Variants in C20orf144 observed in about 807,000 individuals in gnomAD.
The protein encoded by C20orf144 is chromosome 20 open reading frame 144.
In C20orf144, 8 loss-of-function variants were observed where a neutral mutation model predicts 3.8. The ratio of observed to expected loss-of-function variants is 2.11; its 90% CI spans 1.24 to 3.80. The LOEUF (loss-of-function observed/expected upper bound fraction) is 3.80, where lower values mean the gene tolerates loss of function less well. C20orf144 is among the 30% of genes most tolerant of loss of function. The pLI is 0.00. For missense variants in C20orf144, 289 were observed against 224.5 expected, an observed-to-expected ratio of 1.29 and a Z score of -1.83; for synonymous variants, 126 against 104.1, an observed-to-expected ratio of 1.21 and a Z score of -1.28.
Position 33,663,772 on chromosome 20 carries a change from T to G in C20orf144, c.367T>G (p.Ser123Ala), listed in dbSNP as rs2017568186. ...AGCTCTGAGCTGGCCGCGGCTGCTC[T>G]CGCGCTTCCGGTCCCCGGGGAAGGC... The part of the protein sequence containing the change: ...RAALSWPRLL[S>A]RFRSPGKAPR... Residue 123 changes from serine (S) to alanine (A), a missense_variant, in exon 2 of 2, where the codon TCG (serine) becomes GCG (alanine). Coordinates refer to ENST00000375222, the MANE Select transcript of C20orf144 (RefSeq NM_080825.4). 7.0e-7 allele frequency: 1 copy of G among 1,433,386 alleles called. No homozygotes were observed. Among genetic ancestry groups the G allele is most frequent in the African/African-American group, 1.5e-5 (1 of 66,590 alleles). The allele number at this position is 1,433,386 out of a possible 1,614,324, so 88.8% of individuals were successfully genotyped here.
Position 33,662,387 on chromosome 20 carries a change from G to A in C20orf144, c.42G>A (p.Lys14=). 6.4e-7 allele frequency: 1 copy of A among 1,551,534 alleles called. No homozygotes were observed. The highest frequency in any genetic ancestry group is 8.7e-7 in the Non-Finnish European group (1 of 1,147,050). The part of the protein sequence containing the change: ...YSSHKRTKAP[K]QARKERPADM... The stretch of plus-strand genomic sequence containing the variant: ...CCCACAAAAGGACCAAAGCACCCAA[G>A]CAGGCCCGCAAGGAGAGGCCGGCTG... Residue 14 remains lysine, a synonymous_variant, in exon 1 of 2, where the codon AAG becomes AAA. Transcript: ENST00000375222.
Position 33,662,416 on chromosome 20 carries a change from T to C in C20orf144, c.71T>C (p.Met24Thr), listed in dbSNP as rs2122475815. 4 of 1,551,602 alleles carry C rather than the reference T, an allele frequency of 2.6e-6. No individual in the cohort carries two copies. Among genetic ancestry groups the C allele is most frequent in the African/African-American group, 1.4e-5 (1 of 73,130 alleles). Reference sequence around the variant, plus strand: ...GCCCGCAAGGAGAGGCCGGCTGACATGGACAAGGCCTGGTGGAAATCGTTC... The same window carrying C: ...GCCCGCAAGGAGAGGCCGGCTGACACGGACAAGGCCTGGTGGAAATCGTTC... ...KQARKERPAD[M>T]DKAWWKSFLN... The change falls in exon 1 of 2, where the codon ATG becomes ACG. Residue 24 changes from methionine to threonine, a missense_variant. Met to Thr is a moderately conservative substitution (Grantham distance 81). Transcript: ENST00000375222.
rs762812321 is a variant in C20orf144, at chr20:33,663,586, GGGCAA to G, written c.182_186del (p.Gly61AlafsTer3). The G allele has an allele frequency of 6.2e-7, 1 of 1,611,412 alleles. No individual in the cohort carries two copies. Among genetic ancestry groups the G allele is most frequent in the Non-Finnish European group, 8.5e-7 (1 of 1,179,672 alleles). On this transcript the variant is annotated frameshift_variant, in exon 2 of 2. Coordinates refer to ENST00000375222, the MANE Select transcript of C20orf144 (RefSeq NM_080825.4). LOFTEE classifies it low-confidence loss of function (END_TRUNC). ...CAAGCGGCAGCCGCTGGCCAACGCT[GGGCAA>G]CGGATTGACTACGCGTCCGGCGCTG...
chr20:33,663,314 G>A, intron 1 of C20orf144: 1 of 569,632 alleles, frequency 1.8e-6, no homozygotes, highest in East Asian at 3.2e-5. Flanking sequence ...TTCCAGAAAG[G>A]AGGCGGAGTC....
At position 33,662,379 on chromosome 20, in the gene C20orf144, G is replaced by A. The variant is rs141969034; in HGVS notation, c.34G>A (p.Ala12Thr). The A allele has an allele frequency of 6.4e-7, 1 of 1,551,492 alleles. No individual in the cohort carries two copies. The highest frequency in any genetic ancestry group is 2.0e-5 in the Admixed American group (1 of 51,006). Residue 12 changes from alanine to threonine, a missense_variant, in exon 1 of 2, where the codon GCA becomes ACA. Transcript: ENST00000375222. Reference protein sequence around the residue: ...GNYSSHKRTKAPKQARKERPA... With the variant: ...GNYSSHKRTKTPKQARKERPA... Reference sequence around the variant, plus strand: ...CTATAGTTCCCACAAAAGGACCAAAGCACCCAAGCAGGCCCGCAAGGAGAG... The same window carrying A: ...CTATAGTTCCCACAAAAGGACCAAAACACCCAAGCAGGCCCGCAAGGAGAG...
chr20:33,662,482 G>C lies in C20orf144; in HGVS notation c.126+11G>C. ...CGGAAGAAGCCGGCTGTGAGGGCGGGGGATGGGGAGCAGGGCTGGGGAGGC... is the reference window on the plus strand; with the variant it reads ...CGGAAGAAGCCGGCTGTGAGGGCGGCGGATGGGGAGCAGGGCTGGGGAGGC... On this transcript the variant is annotated intron_variant, in intron 1 of 1. Transcript: ENST00000375222. 1 of 1,551,278 alleles carries C rather than the reference G, an allele frequency of 6.4e-7. No homozygotes were observed. The highest frequency in any genetic ancestry group is 8.7e-7 in the Non-Finnish European group (1 of 1,147,270).
At chr20:33,662,562 A>G in intron 1 of C20orf144, 91 bp downstream of exon 1, 2 of 1,423,262 alleles carry the variant, frequency 1.4e-6, no homozygotes, top group Non-Finnish European at 1.9e-6. Flanking sequence ...CTGGGAGTCT[A>G]GGCCTTGTAT....
chr20:33,663,883 C>T lies in C20orf144; in HGVS notation c.*16C>T, dbSNP rs534852781. The T allele has an allele frequency of 8.1e-4, 1,122 of 1,382,374 alleles. 1 individual carries two copies. Among genetic ancestry groups the T allele is most frequent in the Non-Finnish European group, 9.8e-4 (1,053 of 1,076,504 alleles). 85.6% of individuals were successfully genotyped at this position (1,382,374 alleles called of 1,614,324 possible). A position where few individuals can be genotyped will look rare whatever the true frequency, so the allele number is the denominator to read the frequency against. On this transcript the variant is annotated 3_prime_UTR_variant, in exon 2 of 2. Coordinates refer to ENST00000375222, the MANE Select transcript of C20orf144 (RefSeq NM_080825.4). Reference sequence around the variant, plus strand: ...GCAGCTTTAAACGCTTGGCCCGGACCCCGCCCAATAAAGAGTGCGTGGCAA... The same window carrying T: ...GCAGCTTTAAACGCTTGGCCCGGACTCCGCCCAATAAAGAGTGCGTGGCAA...
chr20:33,662,662 T>C, intron 1 of C20orf144, 191 bp downstream of exon 1: 2 of 653,854 alleles, frequency 3.1e-6, no homozygotes, highest in South Asian at 4.1e-5. Context: ...ATGGGGGTCC[T>C]TTCAAGGTGG....
intron 1 of C20orf144, 65 bp downstream of exon 1, chr20:33,662,536 T>C: frequency 6.6e-7 from 1 of 1,521,728 alleles, no homozygotes; most frequent in Non-Finnish European, 8.9e-7. Context: ...GCTGGACAAG[T>C]GGGTGGGAAG....
Position 33,663,798 on chromosome 20 carries a change from TCCCCGCGAAGCCGG to T in C20orf144, c.400_413del (p.Glu134ArgfsTer?). On this transcript the variant is annotated frameshift_variant, in exon 2 of 2. Coordinates refer to ENST00000375222, the MANE Select transcript of C20orf144 (RefSeq NM_080825.4). LOFTEE classifies it low-confidence loss of function (END_TRUNC). The stretch of plus-strand genomic sequence containing the variant: ...CGCGCTTCCGGTCCCCGGGGAAGGC[TCCCCGCGAAGCCGG>T]CCCCGCCGAGGAGCAGCCGCGCAAA... 7.1e-7 allele frequency: 1 copy of T among 1,417,474 alleles called. No individual in the cohort carries two copies. Among genetic ancestry groups the T allele is most frequent in the Non-Finnish European group, 9.1e-7 (1 of 1,095,976 alleles). 87.8% of individuals were successfully genotyped at this position (1,417,474 alleles called of 1,614,324 possible). A position where few individuals can be genotyped will look rare whatever the true frequency, so the allele number is the denominator to read the frequency against.
At position 33,663,586 on chromosome 20, in the gene C20orf144, G is replaced by A. The variant is rs557286657; in HGVS notation, c.181G>A (p.Gly61Arg). 1.2e-6 allele frequency: 2 copies of A among 1,611,412 alleles called. No homozygotes were observed. The highest frequency in any genetic ancestry group is 2.7e-5 in the African/African-American group (2 of 74,942). The part of the protein sequence containing the change: ...LDKRQPLANA[G>R]QRIDYASGAG... ...CAAGCGGCAGCCGCTGGCCAACGCT[G>A]GGCAACGGATTGACTACGCGTCCGG... Residue 61 changes from glycine to arginine, a missense_variant, in exon 2 of 2, where the codon GGG becomes AGG. By Grantham distance (125) the Gly-to-Arg change is moderately radical. Coordinates refer to ENST00000375222, the MANE Select transcript of C20orf144 (RefSeq NM_080825.4).
rs2017568186 is a variant in C20orf144 at position 33,663,772 on chromosome 20, T to C, written c.367T>C (p.Ser123Pro). ...AGCTCTGAGCTGGCCGCGGCTGCTC[T>C]CGCGCTTCCGGTCCCCGGGGAAGGC... ...RAALSWPRLL[S>P]RFRSPGKAPR... The change falls in exon 2 of 2, where the codon TCG (serine) becomes CCG (proline). Residue 123 changes from serine to proline, a missense_variant. By Grantham distance (74) the Ser-to-Pro change is moderately conservative. Transcript: ENST00000375222. 2.7e-5 allele frequency: 39 copies of C among 1,433,494 alleles called. No individual in the cohort carries two copies. Among genetic ancestry groups the C allele is most frequent in the Non-Finnish European group, 3.4e-5 (37 of 1,101,968 alleles). 88.8% of individuals were successfully genotyped at this position (1,433,494 alleles called of 1,614,324 possible).
chr20:33,663,462 C>A, intron 1 of C20orf144, 70 bp from the exon 2 acceptor site: 1 of 1,501,388 alleles, frequency 6.7e-7, no homozygotes, highest in Non-Finnish European at 8.9e-7. Flanking sequence ...AGGAGAAGCG[C>A]GGAGCGGCCC....
chr20:33,663,898 G>C lies in C20orf144; in HGVS notation c.*31G>C. 2 of 1,370,840 alleles carry C rather than the reference G, an allele frequency of 1.5e-6. No homozygotes were observed. Among genetic ancestry groups the C allele is most frequent in the Non-Finnish European group, 1.9e-6 (2 of 1,068,952 alleles). The allele number at this position is 1,370,840 out of a possible 1,614,324, so 84.9% of individuals were successfully genotyped here. A position where few individuals can be genotyped will look rare whatever the true frequency, so the allele number is the denominator to read the frequency against. ...TGGCCCGGACCCCGCCCAATAAAGAGTGCGTGGCAACCCTGGCGCCTGCGA... is the reference window on the plus strand; with the variant it reads ...TGGCCCGGACCCCGCCCAATAAAGACTGCGTGGCAACCCTGGCGCCTGCGA... On this transcript the variant is annotated 3_prime_UTR_variant, in exon 2 of 2. Transcript: ENST00000375222.
Position 33,663,609 on chromosome 20 carries a change from C to T in C20orf144, c.204C>T (p.Ser68=), listed in dbSNP as rs750655093. Residue 68 remains serine, a synonymous_variant, in exon 2 of 2, where the codon TCC becomes TCT. Transcript: ENST00000375222. Reference sequence around the variant, plus strand: ...CTGGGCAACGGATTGACTACGCGTCCGGCGCTGGGCTGGGCTCCCCGGCGG... The same window carrying T: ...CTGGGCAACGGATTGACTACGCGTCTGGCGCTGGGCTGGGCTCCCCGGCGG... ...ANAGQRIDYA[S]GAGLGSPAAP... is the part of the protein sequence containing the mutation. The T allele has an allele frequency of 2.5e-6, 4 of 1,610,644 alleles. No homozygotes were observed. Among genetic ancestry groups the T allele is most frequent in the Non-Finnish European group, 2.5e-6 (3 of 1,179,650 alleles).
chr20:33,663,767 T>C lies in C20orf144; in HGVS notation c.362T>C (p.Leu121Pro), dbSNP rs751530722. The change falls in exon 2 of 2, where the codon CTG becomes CCG. Residue 121 changes from leucine to proline, a missense_variant. Leu to Pro is a moderately conservative substitution (Grantham distance 98, BLOSUM62 -3). Coordinates refer to ENST00000375222, the MANE Select transcript of C20orf144 (RefSeq NM_080825.4). The part of the protein sequence containing the change: ...GARAALSWPR[L>P]LSRFRSPGKA... ...AGGGCAGCTCTGAGCTGGCCGCGGC[T>C]GCTCTCGCGCTTCCGGTCCCCGGGG... is the stretch of plus-strand genomic sequence containing the variant. The C allele has an allele frequency of 7.2e-7, 1 of 1,389,250 alleles. No individual in the cohort carries two copies. The highest frequency in any genetic ancestry group is 1.4e-5 in the South Asian group (1 of 70,410). The allele number at this position is 1,389,250 out of a possible 1,614,324, so 86.1% of individuals were successfully genotyped here. A position where few individuals can be genotyped will look rare whatever the true frequency, so the allele number is the denominator to read the frequency against.
rs1209943166 is a variant in C20orf144, at chr20:33,663,788, C to CG, written c.387dup (p.Lys130GlufsTer?). 7.0e-7 allele frequency: 1 copy of CG among 1,424,550 alleles called. No homozygotes were observed. Among genetic ancestry groups the CG allele is most frequent in the Non-Finnish European group, 9.1e-7 (1 of 1,099,472 alleles). The allele number at this position is 1,424,550 out of a possible 1,614,324, so 88.2% of individuals were successfully genotyped here. ...CGGCTGCTCTCGCGCTTCCGGTCCC[C>CG]GGGGAAGGCTCCCCGCGAAGCCGGC... On this transcript the variant is annotated frameshift_variant, in exon 2 of 2. Transcript: ENST00000375222. LOFTEE classifies it low-confidence loss of function (END_TRUNC).
At chr20:33,663,261 G>A (rs1325534720) in intron 1 of C20orf144, 3 of 530,322 alleles carry the variant, frequency 5.7e-6, no homozygotes, top group Non-Finnish European at 9.9e-6. Context: ...CATAAACTTA[G>A]ACGGAGCTGG....
Sources: allele counts gnomAD v4.1 joint callset, GRCh38; gene constraint gnomAD v4.1.1; transcripts MANE v1.5; gene names NCBI Gene and HGNC (gene_info 2026-07-23, HGNC 2026-07-21).